The following PPP6R3 variants were observed in gnomAD, a reference collection of about 807,000 sequenced individuals.
PPP6R3 encodes serine/threonine-protein phosphatase 6 regulatory subunit 3.
A neutral mutation model predicts 110.7 loss-of-function variants in PPP6R3; 38 were observed. The observed-to-expected ratio is 0.34, with a 90% CI of 0.26 to 0.45. The LOEUF (loss-of-function observed/expected upper bound fraction) is 0.45, where lower values mean the gene tolerates loss of function less well. Among genes scored for constraint, PPP6R3 ranks in the 20% least tolerant of loss-of-function variants. The pLI is 1.00. For synonymous variants in PPP6R3, 369 were observed against 373.5 expected (o/e 0.99, Z 0.14); for missense variants, 870 against 1,062.4 (o/e 0.82, Z 2.52).
intron 23 of PPP6R3, among the ~76,000 whole-genome samples, chr11:68,610,385 A>G (rs1450194384): frequency 6.6e-6 from 1 of 152,094 alleles, no homozygotes; most frequent in Admixed American, 6.5e-5. Flanking sequence ...TGGCCCCACT[A>G]AAGTCATCCA....
At chr11:68,556,139 C>G (rs916980524) in intron 7 of PPP6R3, among the ~76,000 whole-genome samples, 1 of 152,110 alleles carries the variant, frequency 6.6e-6, no homozygotes, top group Non-Finnish European at 1.5e-5. Flanking sequence ...GTACACATAG[C>G]TTGCCGAGCT....
chr11:68,556,553 A>C (rs1022299627), intron 7 of PPP6R3, among the ~76,000 whole-genome samples: 1 of 147,370 alleles, frequency 6.8e-6, no homozygotes, highest in Non-Finnish European at 1.5e-5. Context: ...AAAAAAACGA[A>C]AAAAAAAAAC....
chr11:68,615,094 T>A lies in PPP6R3; in HGVS notation c.*1977T>A. 2.1e-6 allele frequency: 1 copy of A among 465,790 alleles called. No individual in the cohort carries two copies. The highest frequency in any genetic ancestry group is 4.3e-6 in the Non-Finnish European group (1 of 233,424). 28.9% of individuals were successfully genotyped at this position (465,790 alleles called of 1,614,324 possible). A position where few individuals can be genotyped will look rare whatever the true frequency, so the allele number is the denominator to read the frequency against. ...GCTGGGAGAGAGCCTCTGGGACTTTTCTTTGGGGCATCATTTTGTTTTGTC... is the reference window on the plus strand; with the variant it reads ...GCTGGGAGAGAGCCTCTGGGACTTTACTTTGGGGCATCATTTTGTTTTGTC... On this transcript the variant is annotated 3_prime_UTR_variant, in exon 24 of 24. Coordinates refer to ENST00000393800, the MANE Select transcript of PPP6R3 (RefSeq NM_001164161.2).
chr11:68,467,644 G>C (rs2098757825), intron 1 of PPP6R3, among the ~76,000 whole-genome samples: 1 of 152,244 alleles, frequency 6.6e-6, no homozygotes, highest in African/African-American at 2.4e-5. Context: ...TGGCTGGTCA[G>C]ATTGGTTGGG....
rs150842742 is a variant in PPP6R3 at position 68,599,767 on chromosome 11, C to A, written c.2039-574C>A. ...TCAAAACTAAGAAATTAACATTAAT[C>A]CCTCTTTGTGCATGTAGCTTTGAAT... is the stretch of plus-strand genomic sequence containing the variant. On this transcript the variant is annotated intron_variant, in intron 19 of 23. Coordinates refer to ENST00000393800, the MANE Select transcript of PPP6R3 (RefSeq NM_001164161.2). 7.8e-3 allele frequency among the ~76,000 whole-genome samples: 1,183 copies of A among 152,306 alleles called. 19 individuals carry two copies. The highest frequency in any genetic ancestry group is 0.027 in the African/African-American group (1,118 of 41,552).
intron 1 of PPP6R3, among the ~76,000 whole-genome samples, chr11:68,514,624 G>A (rs2099126883): frequency 6.6e-6 from 1 of 151,526 alleles, no homozygotes; most frequent in Non-Finnish European, 1.5e-5. Flanking sequence ...TTGCTCTGAC[G>A]CCCAGGCTGG....
Position 68,601,948 on chromosome 11 carries a change from G to A in PPP6R3, c.2278G>A (p.Ala760Thr), listed in dbSNP as rs761968594. The change falls in exon 21 of 24, where the codon GCC becomes ACC. Residue 760 changes from alanine to threonine, a missense_variant. Transcript: ENST00000393800. The part of the protein sequence containing the change: ...PMDPLTPSAA[A>T]LAVQPEAAGS... ...GGACCCTCTGACTCCCAGTGCGGCT[G>A]CCCTGGCAGTGCAGCCAGAAGGTGC... 2 of 1,613,036 alleles carry A rather than the reference G, an allele frequency of 1.2e-6. No individual in the cohort carries two copies. Among genetic ancestry groups the A allele is most frequent in the Non-Finnish European group, 1.7e-6 (2 of 1,179,614 alleles).
intron 1 of PPP6R3, among the ~76,000 whole-genome samples, chr11:68,496,096 C>T (rs984776596): frequency 6.6e-6 from 1 of 151,894 alleles, no homozygotes; most frequent in South Asian, 2.1e-4. Context: ...CTGAAGTGAT[C>T]CTCCCACCTC....
chr11:68,525,831 T>C (rs2099194338), intron 2 of PPP6R3, among the ~76,000 whole-genome samples: 1 of 152,216 alleles, frequency 6.6e-6, no homozygotes, highest in Admixed American at 6.5e-5. Flanking sequence ...CTGTAAGATA[T>C]TTGAATAATA....
intron 14 of PPP6R3, among the ~76,000 whole-genome samples, chr11:68,578,135 C>G (rs954624242): frequency 2.6e-5 from 4 of 152,060 alleles, no homozygotes; most frequent in Non-Finnish European, 5.9e-5. Context: ...GTTTAATATG[C>G]TTATATAGTA....
intron 1 of PPP6R3, among the ~76,000 whole-genome samples, chr11:68,476,323 C>T (rs367964234): frequency 2.6e-5 from 4 of 152,230 alleles, no homozygotes; most frequent in East Asian, 1.9e-4. Flanking sequence ...ACCAGTCAGG[C>T]GTGGCGGCGC....
At chr11:68,566,627 C>T (rs928928671) in intron 9 of PPP6R3, among the ~76,000 whole-genome samples, 3 of 152,160 alleles carry the variant, frequency 2.0e-5, no homozygotes, top group African/African-American at 7.2e-5. Flanking sequence ...TCTCAAAGTG[C>T]TGGGATTATA....
chr11:68,550,912 A>T, intron 5 of PPP6R3: 1 of 477,630 alleles, frequency 2.1e-6, no homozygotes, highest in Non-Finnish European at 3.7e-6. Flanking sequence ...TAATTTGGGG[A>T]GTTGTTGGTA....
intron 2 of PPP6R3, among the ~76,000 whole-genome samples, chr11:68,526,226 G>T (rs2099196882): frequency 6.6e-6 from 1 of 151,944 alleles, no homozygotes; most frequent in Non-Finnish European, 1.5e-5. Context: ...GGGCCTATGA[G>T]AATTTACTGA....
At chr11:68,477,737 A>ATATATATATAT (rs1555021085) in intron 1 of PPP6R3, among the ~76,000 whole-genome samples, 4 of 64,556 alleles carry the variant, frequency 6.2e-5, no homozygotes, top group Non-Finnish European at 1.0e-4. Flanking sequence ...TTAAAAAAAA[A>ATATATATATAT]AAAAATATAT....
intron 8 of PPP6R3, among the ~76,000 whole-genome samples, chr11:68,561,046 G>A (rs942309760): frequency 6.6e-5 from 10 of 151,732 alleles, no homozygotes; most frequent in South Asian, 2.1e-4. Context: ...ACAGGCGCCC[G>A]CCACTACGCC....
intron 1 of PPP6R3, among the ~76,000 whole-genome samples, chr11:68,509,005 T>A (rs1044237459): frequency 2.0e-5 from 3 of 152,264 alleles, no homozygotes; most frequent in African/African-American, 7.2e-5. Context: ...TGCTGTCAAC[T>A]ACTGAACCAC....
rs554697495 is a variant in PPP6R3, at chr11:68,486,100, G to A, written c.-158+25273G>A. ...AAAAAATTAAAGCAGCCTTAAATAC[G>A]GGATAAATATTTGGTTGTGGTATAT... On this transcript the variant is annotated intron_variant, in intron 1 of 23. Transcript: ENST00000393800. Among the ~76,000 whole-genome samples, 75 of 151,210 alleles carry A rather than the reference G, an allele frequency of 5.0e-4. No individual in the cohort carries two copies. In the Middle Eastern group the frequency reaches 0.028, roughly 56 times the overall value.
chr11:68,518,012 G>T (rs1357518985), intron 1 of PPP6R3, among the ~76,000 whole-genome samples: 3 of 152,262 alleles, frequency 2.0e-5, no homozygotes, highest in African/African-American at 7.2e-5. Flanking sequence ...AATAAGTGGG[G>T]AGAAGGGAGC....
Sources: gnomAD v4.1 joint callset for allele counts (sites outside exome capture counted in the v4.1 genomes callset) on GRCh38, gnomAD v4.1.1 for gene constraint, MANE v1.5 for transcripts, NCBI Gene and HGNC (gene_info 2026-07-23, HGNC 2026-07-21) for gene names.